CIZ1: variants seen among roughly 807,000 people sequenced by gnomAD.
The protein encoded by CIZ1 is cip1-interacting zinc finger protein.
A neutral mutation model predicts 118.6 loss-of-function variants in CIZ1; 58 were observed. The ratio of observed to expected loss-of-function variants is 0.49; its 90% CI spans 0.40 to 0.61. The LOEUF is 0.61. Among genes scored for constraint, CIZ1 ranks in the 20% least tolerant of loss-of-function variants. The pLI, the probability that CIZ1 is intolerant of heterozygous loss-of-function variation, is 0.00. For synonymous variants in CIZ1, 448 were observed against 443.4 expected, an observed-to-expected ratio of 1.01 and a Z score of -0.13; for missense variants, 921 against 1,115.9, an observed-to-expected ratio of 0.83 and a Z score of 2.49.
intron 5 of CIZ1, among the ~76,000 whole-genome samples, chr9:128,181,981 A>G (rs1456438117): frequency 6.6e-6 from 1 of 152,252 alleles, no homozygotes; most frequent in Admixed American, 6.5e-5. Flanking sequence ...GTAGTAGTCA[A>G]TTAGTGAAAA....
At position 128,166,454 on chromosome 9, in the gene CIZ1, T is replaced by C; in HGVS notation, c.2488-48A>G. The C allele has an allele frequency of 7.1e-7, 1 of 1,400,498 alleles. No individual in the cohort carries two copies. Among genetic ancestry groups the C allele is most frequent in the Non-Finnish European group, 9.7e-7 (1 of 1,034,398 alleles). The allele number at this position is 1,400,498 out of a possible 1,614,324, so 86.8% of individuals were successfully genotyped here. A position where few individuals can be genotyped will look rare whatever the true frequency, so the allele number is the denominator to read the frequency against. ...AGGTCAGGGTCTCCTCCCTACATGG[T>C]ATGCTCCTGGCCAGCAGCTACTTCC... On this transcript the variant is annotated intron_variant, in intron 16 of 16. Coordinates refer to ENST00000372938, the MANE Select transcript of CIZ1 (RefSeq NM_001131016.2). This position sits in a 1 kb window ranked among gnomAD's most constrained non-coding sequence, Gnocchi z 4.4.
chr9:128,176,993 C>G (rs1830940101), intron 10 of CIZ1, among the ~76,000 whole-genome samples: 1 of 152,162 alleles, frequency 6.6e-6, no homozygotes. Context: ...CAACCTCTGC[C>G]TCCTGGGTTC....
chr9:128,190,965 G>A, intron 1 of CIZ1, 103 bp from the exon 2 acceptor site: 4 of 1,422,928 alleles, frequency 2.8e-6, no homozygotes, highest in Non-Finnish European at 3.7e-6. Flanking sequence ...CGCAGAGACT[G>A]CTGAGGAGCT....
At chr9:128,182,203 C>T (rs1831748791) in intron 5 of CIZ1, among the ~76,000 whole-genome samples, 1 of 152,098 alleles carries the variant, frequency 6.6e-6, no homozygotes, top group Admixed American at 6.5e-5. Context: ...GCCCGACATT[C>T]GGGGCCACTA....
rs1831277778 is a variant in CIZ1 at position 128,179,406 on chromosome 9, C to A, written c.801G>T (p.Glu267Asp). 6.3e-7 allele frequency: 1 copy of A among 1,591,622 alleles called. No individual in the cohort carries two copies. The highest frequency in any genetic ancestry group is 8.5e-7 in the Non-Finnish European group (1 of 1,171,740). Residue 267 changes from glutamate (E) to aspartate (D), a missense_variant, in exon 8 of 17, where the codon GAG (glutamate) becomes GAT (aspartate). Transcript: ENST00000372938. ...LPAKRLRSSE[E>D]PTEKEPPGQL... The stretch of plus-strand genomic sequence containing the variant: ...GCCCTGGAGGTTCCTTCTCTGTGGG[C>A]TCTTCTGAGCTAGGAAGGATCAAAA...
upstream of CIZ1, among the ~76,000 whole-genome samples, chr9:128,195,957 C>A (rs191789979): frequency 6.6e-6 from 1 of 152,262 alleles, no homozygotes; most frequent in East Asian, 1.9e-4. Flanking sequence ...CCGCTGCCTC[C>A]TGGGTTTGAG....
chr9:128,200,792 A>G (rs1410443655), intron 1 of CIZ1, among the ~76,000 whole-genome samples: 2 of 150,392 alleles, frequency 1.3e-5, no homozygotes, highest in Non-Finnish European at 3.0e-5. Context: ...AGCTGAGATC[A>G]CGACACTGCA....
At position 128,189,304 on chromosome 9, in the gene CIZ1, G is replaced by T. The variant is rs946892267; in HGVS notation, c.286+1025C>A. On this transcript the variant is annotated intron_variant, in intron 3 of 16. Transcript: ENST00000372938. Reference sequence around the variant, plus strand: ...GTATATGTATATGTGGCAGGTCCCTGTGTATGGTTCTCTCTCTCTACCTAC... The same window carrying T: ...GTATATGTATATGTGGCAGGTCCCTTTGTATGGTTCTCTCTCTCTACCTAC... 5.9e-5 allele frequency among the ~76,000 whole-genome samples: 9 copies of T among 152,222 alleles called. No homozygotes were observed. In the East Asian group the frequency reaches 1.7e-3, roughly 29 times the overall value.
chr9:128,189,824 C>CAAAAAAAAAAAA, intron 3 of CIZ1, among the ~76,000 whole-genome samples: 1 of 42,244 alleles, frequency 2.4e-5, no homozygotes, highest in Non-Finnish European at 4.0e-5. Flanking sequence ...AACTCTGTCT[C>CAAAAAAAAAAAA]AAAAAAAAAA....
At chr9:128,177,460 G>T in intron 10 of CIZ1, 106 bp downstream of exon 10, 2 of 745,138 alleles carry the variant, frequency 2.7e-6, no homozygotes, top group Non-Finnish European at 4.0e-6. Context: ...CAAATGCATG[G>T]CTGCTTGGGG....
chr9:128,186,214 T>C (rs1291350892), intron 4 of CIZ1, among the ~76,000 whole-genome samples: 1 of 151,992 alleles, frequency 6.6e-6, no homozygotes, highest in Admixed American at 6.6e-5. Context: ...AGCCCATTCC[T>C]CACACTGCCT....
At chr9:128,198,242 GT>G (rs993534888) in intron 1 of CIZ1, 4 of 152,400 alleles carry the variant, frequency 2.6e-5, no homozygotes, top group African/African-American at 9.6e-5. Flanking sequence ...CTTGTCCCAT[GT>G]TCCTGGTCCC....
At chr9:128,193,965 A>G (rs1163539763), upstream of CIZ1, among the ~76,000 whole-genome samples, 2 of 152,196 alleles carry the variant, frequency 1.3e-5, no homozygotes, top group African/African-American at 2.4e-5. Context: ...CAAATTGCCA[A>G]AGTGAAAAAA....
At chr9:128,176,539 G>A (rs534979629) in intron 10 of CIZ1, 64 bp from the exon 11 acceptor site, 2 of 1,532,938 alleles carry the variant, frequency 1.3e-6, no homozygotes, top group East Asian at 4.6e-5. Context: ...GCAAGGCTGG[G>A]GCCTGGGGAG....
intron 4 of CIZ1, among the ~76,000 whole-genome samples, chr9:128,186,940 T>C (rs1832447642): frequency 9.5e-6 from 1 of 104,908 alleles, no homozygotes; most frequent in Non-Finnish European, 1.7e-5. Flanking sequence ...CCTTGTCTGC[T>C]TTTTTTTTTT....
intron 5 of CIZ1, among the ~76,000 whole-genome samples, chr9:128,184,336 T>C (rs532823968): frequency 1.1e-4 from 16 of 152,326 alleles, no homozygotes; most frequent in Non-Finnish European, 1.8e-4. Context: ...TTTATATTGA[T>C]GACAGGTCGA....
intron 12 of CIZ1, 126 bp from the exon 13 acceptor site, chr9:128,169,645 G>C (rs1302649883): frequency 1.9e-5 from 29 of 1,544,814 alleles, no homozygotes; most frequent in Non-Finnish European, 2.2e-5. Flanking sequence ...AAGCCGGGCT[G>C]TGCTCCACCC....
rs1322225963 is a variant in CIZ1, at chr9:128,178,961, G to A, written c.1246C>T (p.Pro416Ser). 3 of 1,613,626 alleles carry A rather than the reference G, an allele frequency of 1.9e-6. No individual in the cohort carries two copies. Among genetic ancestry groups the A allele is most frequent in the South Asian group, 2.2e-5 (2 of 90,876 alleles). Reference sequence around the variant, plus strand: ...TGCAGCTGCAGCTGCACCTGCCTTGGGGGCTGTGAATGTGCCTGGGGCTGC... The same window carrying A: ...TGCAGCTGCAGCTGCACCTGCCTTGAGGGCTGTGAATGTGCCTGGGGCTGC... ...QVQPQAHSQP[P>S]RQVQLQLQKQ... Residue 416 changes from proline (P) to serine (S), a missense_variant, in exon 8 of 17, where the codon CCA (proline) becomes TCA (serine). Coordinates refer to ENST00000372938, the MANE Select transcript of CIZ1 (RefSeq NM_001131016.2).
upstream of CIZ1, among the ~76,000 whole-genome samples, chr9:128,193,010 G>A (rs7853638): frequency 0.42 from 63,929 of 152,096 alleles, 14,385 homozygotes; most frequent in African/African-American, 0.59. Flanking sequence ...GAGGGCGCTC[G>A]GGCAGCAGAA....
Sources: allele counts gnomAD v4.1 joint callset (sites outside exome capture counted in the v4.1 genomes callset), GRCh38; gene constraint gnomAD v4.1.1; non-coding constraint Gnocchi (gnomAD v3.1); transcripts MANE v1.5; gene names NCBI Gene and HGNC (gene_info 2026-07-23, HGNC 2026-07-21).